ATP10D: variants seen among roughly 807,000 people sequenced by gnomAD.
The protein encoded by ATP10D is phospholipid-transporting ATPase VD.
Under a neutral mutation model 144.8 loss-of-function variants are expected in ATP10D, and 89 were observed. The observed-to-expected ratio is 0.61, with a 90% CI of 0.52 to 0.73. The LOEUF is 0.73. Among genes scored for constraint, ATP10D ranks in the 30% least tolerant of loss-of-function variants. The probability of loss-of-function intolerance (pLI) is 0.00; values close to 1 mark genes in which losing one functional copy is unlikely to be tolerated. For synonymous variants in ATP10D, 571 were observed against 615.1 expected, an observed-to-expected ratio of 0.93 and a Z score of 1.06; for missense variants, 1,603 against 1,714.8, an observed-to-expected ratio of 0.93 and a Z score of 1.15.
intron 5 of ATP10D, among the ~76,000 whole-genome samples, chr4:47,534,307 G>T (rs1717713966): frequency 6.6e-6 from 1 of 152,132 alleles, no homozygotes; most frequent in Non-Finnish European, 1.5e-5. Flanking sequence ...CTTATTCTCT[G>T]TAAACCATCA....
At chr4:47,556,893 A>G (rs1227935051) in intron 11 of ATP10D, 3 of 152,184 alleles carry the variant, frequency 2.0e-5, no homozygotes, top group African/African-American at 7.2e-5. Flanking sequence ...AAAAAGTTCT[A>G]TGAAAATAGA....
chr4:47,556,365 G>T (rs1210557897), intron 11 of ATP10D, among the ~76,000 whole-genome samples: 1 of 152,204 alleles, frequency 6.6e-6, no homozygotes, highest in Admixed American at 6.5e-5. Context: ...TGCCTAGGAA[G>T]TTGCTCTTTG....
intron 9 of ATP10D, among the ~76,000 whole-genome samples, chr4:47,539,949 A>G (rs1005571368): frequency 6.6e-6 from 1 of 152,240 alleles, no homozygotes; most frequent in Non-Finnish European, 1.5e-5. Context: ...ACTGGGAATC[A>G]AATGCTATCC....
At chr4:47,537,851 T>C (rs577092984) in intron 9 of ATP10D, among the ~76,000 whole-genome samples, 7 of 152,316 alleles carry the variant, frequency 4.6e-5, no homozygotes, top group Non-Finnish European at 8.8e-5. Context: ...CCAAACATTT[T>C]GTGAGCTCCC....
chr4:47,496,703 G>A (rs999578847), intron 1 of ATP10D, among the ~76,000 whole-genome samples: 1 of 152,022 alleles, frequency 6.6e-6, no homozygotes, highest in African/African-American at 2.4e-5. Flanking sequence ...GGTTACTACT[G>A]AAGTTGAAAA....
chr4:47,573,067 A>G, intron 18 of ATP10D, 70 bp downstream of exon 18: 1 of 1,554,168 alleles, frequency 6.4e-7, no homozygotes, highest in Non-Finnish European at 8.8e-7. Flanking sequence ...AGGGATGAAG[A>G]CGAAGTGTCC....
chr4:47,497,558 A>G (rs1274999670), intron 1 of ATP10D, among the ~76,000 whole-genome samples: 1 of 152,194 alleles, frequency 6.6e-6, no homozygotes, highest in East Asian at 1.9e-4. Flanking sequence ...CCATGAAAAT[A>G]TTAGGATAAG....
chr4:47,498,790 G>A (rs954436543), intron 1 of ATP10D, among the ~76,000 whole-genome samples: 8 of 152,146 alleles, frequency 5.3e-5, no homozygotes, highest in African/African-American at 1.9e-4. Flanking sequence ...GGAGAAACAG[G>A]TATTAAATCA....
intron 4 of ATP10D, among the ~76,000 whole-genome samples, chr4:47,523,781 G>A (rs189601404): frequency 6.6e-6 from 1 of 151,842 alleles, no homozygotes; most frequent in Non-Finnish European, 1.5e-5. Context: ...CATTGTTGTA[G>A]GATTCAAATG....
chr4:47,571,225 G>A (rs1245956759), intron 16 of ATP10D, among the ~76,000 whole-genome samples: 2 of 149,760 alleles, frequency 1.3e-5, no homozygotes, highest in African/African-American at 4.9e-5. Context: ...AAAAACTCCT[G>A]GATTTATAAT....
intron 1 of ATP10D, among the ~76,000 whole-genome samples, chr4:47,504,411 G>A (rs1446416454): frequency 6.6e-6 from 1 of 152,218 alleles, no homozygotes; most frequent in African/African-American, 2.4e-5. Flanking sequence ...GACCTATGAG[G>A]TAAGGAATCA....
chr4:47,515,483 A>C lies in ATP10D; in HGVS notation c.298A>C (p.Asn100His). The change falls in exon 3 of 23, where the codon AAT becomes CAT. Residue 100 changes from asparagine to histidine, a missense_variant. Physicochemically the swap from Asn to His is moderately conservative, Grantham distance 68. Coordinates refer to ENST00000273859, the MANE Select transcript of ATP10D (RefSeq NM_020453.4). ...TGTGTGTTTGGGTTGCAGAGCTGCC[A>C]ATTTATATTTCCTGTTCCTAGTTGT... is the stretch of plus-strand genomic sequence containing the variant. Reference protein sequence around the residue: ...NLFEQFHRAANLYFLFLVVLN... With the variant: ...NLFEQFHRAAHLYFLFLVVLN... The C allele has an allele frequency of 6.2e-7, 1 of 1,610,440 alleles. No homozygotes were observed. The highest frequency in any genetic ancestry group is 1.1e-5 in the South Asian group (1 of 90,730).
intron 16 of ATP10D, among the ~76,000 whole-genome samples, chr4:47,570,116 CT>C (rs1719873076): frequency 2.0e-5 from 3 of 152,020 alleles, no homozygotes; most frequent in Admixed American, 2.0e-4. Context: ...AATTGTTGGA[CT>C]GCAAAGACAT....
chr4:47,574,768 TG>T (rs1240385655), intron 18 of ATP10D, among the ~76,000 whole-genome samples: 1 of 152,046 alleles, frequency 6.6e-6, no homozygotes, highest in African/African-American at 2.4e-5. Context: ...TTTTTTTTAA[TG>T]AGACACTTTA....
At chr4:47,513,894 C>G (rs1030908909) in intron 2 of ATP10D, among the ~76,000 whole-genome samples, 1 of 152,144 alleles carries the variant, frequency 6.6e-6, no homozygotes, top group East Asian at 1.9e-4. Context: ...TGTATATATC[C>G]CAGTGAATTG....
At chr4:47,577,036 C>G in intron 19 of ATP10D, 63 bp downstream of exon 19, 1 of 1,466,980 alleles carries the variant, frequency 6.8e-7, no homozygotes, top group Non-Finnish European at 9.5e-7. Flanking sequence ...AGTGTGTTTT[C>G]TTAGTTAGCA....
At chr4:47,555,934 A>G (rs747187913) in intron 11 of ATP10D, among the ~76,000 whole-genome samples, 5 of 152,026 alleles carry the variant, frequency 3.3e-5, no homozygotes, top group African/African-American at 7.2e-5. Context: ...TTGTAGTTTT[A>G]GTAGAGACAG....
At chr4:47,505,421 A>G (rs922500837) in intron 1 of ATP10D, among the ~76,000 whole-genome samples, 1 of 152,116 alleles carries the variant, frequency 6.6e-6, no homozygotes, top group Non-Finnish European at 1.5e-5. Context: ...TAGATCAGAA[A>G]CCTAGCAGGG....
chr4:47,497,476 C>T (rs2109386592), intron 1 of ATP10D, among the ~76,000 whole-genome samples: 1 of 151,882 alleles, frequency 6.6e-6, no homozygotes. Flanking sequence ...AAAAATAGAT[C>T]ATTGTAATAA....
Sources: allele counts gnomAD v4.1 joint callset (sites outside exome capture counted in the v4.1 genomes callset), GRCh38; gene constraint gnomAD v4.1.1; transcripts MANE v1.5; gene names NCBI Gene and HGNC (gene_info 2026-07-23, HGNC 2026-07-21).